The following CAMSAP3 variants were observed in gnomAD, a reference collection of about 807,000 sequenced individuals.
The protein encoded by CAMSAP3 is calmodulin-regulated spectrin-associated protein 3.
CAMSAP3 carries 34 observed loss-of-function variants against 112.5 expected under a neutral mutation model. The ratio of observed to expected loss-of-function variants is 0.30; its 90% CI spans 0.23 to 0.40. The LOEUF (loss-of-function observed/expected upper bound fraction) is 0.40. CAMSAP3 is among the 10% of genes least tolerant of loss of function. The probability of loss-of-function intolerance (pLI) is 1.00; values close to 1 mark genes in which losing one functional copy is unlikely to be tolerated. For missense variants in CAMSAP3, 1,602 were observed against 1,770.3 expected (o/e 0.90, Z 1.71); for synonymous variants, 868 against 799.8 (o/e 1.09, Z -1.44).
chr19:7,618,150 CCCAA>C lies in CAMSAP3; in HGVS notation c.*96_*99del, dbSNP rs1369229115. On this transcript the variant is annotated 3_prime_UTR_variant, in exon 17 of 17. Coordinates refer to ENST00000160298, the MANE Select transcript of CAMSAP3 (RefSeq NM_020902.2). ...TCGGTATTCCTGGGTCCTGTCTGTC[CCCAA>C]CCGTGTCTGGGTGGGGCTGGAGTCT... 30 of 1,395,148 alleles carry C rather than the reference CCCAA, an allele frequency of 2.2e-5. No homozygotes were observed. The highest frequency in any genetic ancestry group is 2.7e-5 in the Non-Finnish European group (28 of 1,031,644). 86.4% of individuals were successfully genotyped at this position (1,395,148 alleles called of 1,614,324 possible). A position where few individuals can be genotyped will look rare whatever the true frequency, so the allele number is the denominator to read the frequency against.
Position 7,617,972 on chromosome 19 carries a change from G to A in CAMSAP3, c.3665G>A (p.Ser1222Asn), listed in dbSNP as rs373512063. The A allele has an allele frequency of 1.9e-5, 30 of 1,614,042 alleles. No homozygotes were observed. The highest frequency in any genetic ancestry group is 2.3e-5 in the Non-Finnish European group (27 of 1,180,044). ...TQIPAKTMSMSVDAFTIQGHL... is the reference protein window; with the variant it reads ...TQIPAKTMSMNVDAFTIQGHL... Reference sequence around the variant, plus strand: ...ATCCCCGCCAAGACCATGTCCATGAGCGTCGATGCCTTCACCATCCAGGGA... The same window carrying A: ...ATCCCCGCCAAGACCATGTCCATGAACGTCGATGCCTTCACCATCCAGGGA... The change falls in exon 17 of 17, where the codon AGC (serine) becomes AAC (asparagine). Residue 1222 changes from serine (S) to asparagine (N), a missense_variant. Physicochemically the swap from Ser to Asn is conservative, Grantham distance 46. Coordinates refer to ENST00000160298, the MANE Select transcript of CAMSAP3 (RefSeq NM_020902.2). The surrounding 1 kb of genome is among the most constrained non-coding windows in gnomAD (Gnocchi z 7.5).
chr19:7,615,167 C>CCTGG lies in CAMSAP3; in HGVS notation c.2671-16_2671-15insCTGG. Reference sequence around the variant, plus strand: ...GGGGGAGGGGGTGGCTGGCTGGACTCGGCGTCTGTCCCCAGGATGAAGACA... The same window carrying CCTGG: ...GGGGGAGGGGGTGGCTGGCTGGACTCCTGGGGCGTCTGTCCCCAGGATGAAGACA... On this transcript the variant is annotated splice_polypyrimidine_tract_variant and intron_variant, in intron 11 of 16. Coordinates refer to ENST00000160298, the MANE Select transcript of CAMSAP3 (RefSeq NM_020902.2). The surrounding 1 kb of genome is among the most constrained non-coding windows in gnomAD (Gnocchi z 6.5). The CCTGG allele has an allele frequency of 6.4e-7, 1 of 1,553,588 alleles. No homozygotes were observed. Among genetic ancestry groups the CCTGG allele is most frequent in the Non-Finnish European group, 8.7e-7 (1 of 1,148,872 alleles).
chr19:7,615,259 A>C lies in CAMSAP3; in HGVS notation c.2747A>C (p.Glu916Ala), dbSNP rs1568448240. Reference sequence around the variant, plus strand: ...GAGCGGCAGCAGCGGCGAGCAGAGGAGGCGCGGCGGCGCAAGCAGTGGCAG... The same window carrying C: ...GAGCGGCAGCAGCGGCGAGCAGAGGCGGCGCGGCGGCGCAAGCAGTGGCAG... Reference protein sequence around the residue: ...LLERQQRRAEEARRRKQWQEV... With the variant: ...LLERQQRRAEAARRRKQWQEV... The change falls in exon 12 of 17, where the codon GAG (glutamate) becomes GCG (alanine). Residue 916 changes from glutamate to alanine, a missense_variant. By Grantham distance (107) the Glu-to-Ala change is moderately radical. Coordinates refer to ENST00000160298, the MANE Select transcript of CAMSAP3 (RefSeq NM_020902.2). The surrounding 1 kb of genome is among the most constrained non-coding windows in gnomAD (Gnocchi z 6.5). 5 of 1,550,386 alleles carry C rather than the reference A, an allele frequency of 3.2e-6. No individual in the cohort carries two copies. The highest frequency in any genetic ancestry group is 1.2e-5 in the South Asian group (1 of 84,066).
chr19:7,612,451 C>T lies in CAMSAP3; in HGVS notation c.1958C>T (p.Ala653Val), dbSNP rs1555761891. 4 of 1,580,936 alleles carry T rather than the reference C, an allele frequency of 2.5e-6. No homozygotes were observed. The highest frequency in any genetic ancestry group is 3.6e-5 in the Admixed American group (2 of 55,536). ...REASGEAEAE[A>V]EEADSGPVPG... ...GCCTCTGGGGAGGCGGAAGCAGAGG[C>T]GGAGGAGGCCGATTCCGGTCCAGTC... The change falls in exon 11 of 17, where the codon GCG (alanine) becomes GTG (valine). Residue 653 changes from alanine to valine, a missense_variant. Ala to Val is a moderately conservative substitution (Grantham distance 64). Around this residue, in one of 6 missense-constraint regions of CAMSAP3, gnomAD observed 1,100 missense variants for 1,135.7 expected, o/e 0.97. Coordinates refer to ENST00000160298, the MANE Select transcript of CAMSAP3 (RefSeq NM_020902.2).
At chr19:7,614,323 A>T (rs375055140) in intron 11 of CAMSAP3, among the ~76,000 whole-genome samples, 73 of 113,992 alleles carry the variant, frequency 6.4e-4, no homozygotes, top group African/African-American at 2.1e-3. Flanking sequence ...CTTCCTTTTC[A>T]TTTTTTTTTT....
chr19:7,605,147 G>GGTGTGTGTGTGTGTGTGTGTGTGT lies in CAMSAP3; in HGVS notation c.149-72_149-49dup, dbSNP rs56244737. On this transcript the variant is annotated intron_variant, in intron 1 of 16. Transcript: ENST00000160298. ...GACACACTCTTAATCCGGGCCATGT[G>GGTGTGTGTGTGTGTGTGTGTGTGT]GTGTGTGTGTGTGTGTGTGTGTGTG... The GGTGTGTGTGTGTGTGTGTGTGTGT allele has an allele frequency of 2.6e-3, 1,619 of 623,812 alleles. 11 individuals carry two copies. The highest frequency in any genetic ancestry group is 2.9e-3 in the Non-Finnish European group (1,120 of 389,096). The allele number at this position is 623,812 out of a possible 1,614,324, so 38.6% of individuals were successfully genotyped here.
At position 7,607,634 on chromosome 19, in the gene CAMSAP3, C is replaced by T. The variant is rs1033087786; in HGVS notation, c.622-492C>T. ...GGATTCCCCGCATAAGAGGGGGTTC[C>T]TACTCTGTGGGGTCCCTTGGGGCTG... On this transcript the variant is annotated intron_variant, in intron 4 of 16. Coordinates refer to ENST00000160298, the MANE Select transcript of CAMSAP3 (RefSeq NM_020902.2). The surrounding 1 kb of genome is among the most constrained non-coding windows in gnomAD (Gnocchi z 4.9). 3.6e-4 allele frequency among the ~76,000 whole-genome samples: 55 copies of T among 152,034 alleles called. No homozygotes were observed. Among genetic ancestry groups the T allele is most frequent in the Non-Finnish European group, 7.2e-4 (49 of 67,948 alleles).
In CAMSAP3 at chr19:7,610,905, C is replaced by G. The variant is rs946505255; in HGVS notation, c.1023C>G (p.Ser341=). Reference sequence around the variant, plus strand: ...CCTCCCCCCGGGGCACTGAGGCCTCCCCACCTCAGAACAACAGCGGCAGTA... The same window carrying G: ...CCTCCCCCCGGGGCACTGAGGCCTCGCCACCTCAGAACAACAGCGGCAGTA... ...HAASPRGTEA[S]PPQNNSGSSS... Residue 341 remains serine, a synonymous_variant, in exon 8 of 17, where the codon TCC becomes TCG. Transcript: ENST00000160298. The surrounding 1 kb of genome is among the most constrained non-coding windows in gnomAD (Gnocchi z 4.9). 2 of 1,589,692 alleles carry G rather than the reference C, an allele frequency of 1.3e-6. No individual in the cohort carries two copies. Among genetic ancestry groups the G allele is most frequent in the Admixed American group, 1.7e-5 (1 of 58,220 alleles).
chr19:7,611,770 T>G lies in CAMSAP3; in HGVS notation c.1277T>G (p.Leu426Arg), dbSNP rs1488349847. The G allele has an allele frequency of 6.3e-7, 1 of 1,593,488 alleles. No homozygotes were observed. The highest frequency in any genetic ancestry group is 2.2e-5 in the East Asian group (1 of 44,674). ...DVDVVMGDPV[L>R]LRSVSSDSLG... Reference sequence around the variant, plus strand: ...GATGTCGTCATGGGAGACCCTGTGCTCCTCCGCTCTGTGAGCTCGGACAGC... The same window carrying G: ...GATGTCGTCATGGGAGACCCTGTGCGCCTCCGCTCTGTGAGCTCGGACAGC... Residue 426 changes from leucine to arginine, a missense_variant, in exon 11 of 17, where the codon CTC becomes CGC. Leu to Arg is a moderately radical substitution (Grantham distance 102, BLOSUM62 -2). Transcript: ENST00000160298. The surrounding 1 kb of genome is among the most constrained non-coding windows in gnomAD (Gnocchi z 6.9).
intron 2 of CAMSAP3, 46 bp from the exon 3 acceptor site, chr19:7,606,225 C>T (rs1389400455): frequency 6.9e-7 from 1 of 1,456,660 alleles, no homozygotes; most frequent in East Asian, 4.0e-5. Flanking sequence ...CCGAGGTGCG[C>T]CTCCTGCAGC....
In CAMSAP3 at chr19:7,611,693, C is replaced by A. The variant is rs773233231; in HGVS notation, c.1200C>A (p.Pro400=). Residue 400 remains proline (P), a synonymous_variant, in exon 11 of 17, where the codon CCC becomes CCA. Coordinates refer to ENST00000160298, the MANE Select transcript of CAMSAP3 (RefSeq NM_020902.2). The surrounding 1 kb of genome is among the most constrained non-coding windows in gnomAD (Gnocchi z 6.9). The part of the protein sequence containing the change: ...GKAWNRQLSR[P]LSQAVSFSTP... ...CCTCCCTCCGGCCGCCCAGCCGTCC[C>A]CTCTCCCAGGCTGTGTCATTCAGCA... 2.6e-6 allele frequency: 4 copies of A among 1,561,844 alleles called. No homozygotes were observed. The African/African-American group carries it at 5.4e-5, about 21-fold the overall frequency.
rs1356917044 is a variant in CAMSAP3, at chr19:7,612,113, G to A, written c.1620G>A (p.Pro540=). 1.2e-6 allele frequency: 2 copies of A among 1,612,128 alleles called. No homozygotes were observed. Among genetic ancestry groups the A allele is most frequent in the East Asian group, 2.2e-5 (1 of 44,846 alleles). The change falls in exon 11 of 17, where the codon CCG becomes CCA. Residue 540 remains proline (P), a synonymous_variant. Transcript: ENST00000160298. ...GTCTGGTGGGGGAGGCATCGAAACC[G>A]CCAGCCCCATCCGAGGGGTCCCCGA... The part of the protein sequence containing the change: ...SPCLVGEASK[P]PAPSEGSPKA...
chr19:7,606,437 T>C, intron 3 of CAMSAP3, 39 bp from the exon 4 acceptor site: 1 of 1,610,750 alleles, frequency 6.2e-7, no homozygotes, highest in Non-Finnish European at 8.5e-7. Flanking sequence ...ACCAGCATCG[T>C]CCAGTGGCCA....
chr19:7,603,326 G>A (rs146407060), intron 1 of CAMSAP3, among the ~76,000 whole-genome samples: 148 of 151,466 alleles, frequency 9.8e-4, no homozygotes, highest in Middle Eastern at 3.4e-3. Context: ...GCGATTCTCC[G>A]GCCTCGGCTT....
rs1555756390 is a variant in CAMSAP3 at position 7,595,900 on chromosome 19, C to CGGT, written c.-103_-102insGGT. 3.0e-4 allele frequency: 149 copies of CGGT among 500,970 alleles called. No homozygotes were observed. The highest frequency in any genetic ancestry group is 1.1e-3 in the South Asian group (14 of 12,500). The allele number at this position is 500,970 out of a possible 1,614,324, so 31.0% of individuals were successfully genotyped here. A position where few individuals can be genotyped will look rare whatever the true frequency, so the allele number is the denominator to read the frequency against. On this transcript the variant is annotated 5_prime_UTR_variant, in exon 1 of 17. Transcript: ENST00000160298. Reference sequence around the variant, plus strand: ...GCAGCGGCGGCGGCGGCGGCGGCGGCAGCGGCGGTAGCAGCAGCGGGCCCG... The same window carrying CGGT: ...GCAGCGGCGGCGGCGGCGGCGGCGGCGGTAGCGGCGGTAGCAGCAGCGGGCCCG...
Position 7,617,883 on chromosome 19 carries a change from C to A in CAMSAP3, c.3576C>A (p.Thr1192=). 1.9e-6 allele frequency: 3 copies of A among 1,613,764 alleles called. No homozygotes were observed. Among genetic ancestry groups the A allele is most frequent in the Middle Eastern group, 1.6e-4 (1 of 6,062 alleles). The change falls in exon 17 of 17, where the codon ACC becomes ACA. Residue 1192 remains threonine, a synonymous_variant. Coordinates refer to ENST00000160298, the MANE Select transcript of CAMSAP3 (RefSeq NM_020902.2). This position sits in a 1 kb window ranked among gnomAD's most constrained non-coding sequence, Gnocchi z 7.5. ...GGCTGGCAGGGTATGGGCCCCGGAC[C>A]GTCACGCCCGCCATGGTGGAAGGCA... The part of the protein sequence containing the change: ...LSRLAGYGPR[T]VTPAMVEGIY...
chr19:7,596,077 C>A lies in CAMSAP3; in HGVS notation c.75C>A (p.Asp25Glu). The A allele has an allele frequency of 7.7e-7, 1 of 1,290,382 alleles. No homozygotes were observed. Among genetic ancestry groups the A allele is most frequent in the South Asian group, 1.4e-5 (1 of 69,828 alleles). 79.9% of individuals were successfully genotyped at this position (1,290,382 alleles called of 1,614,324 possible). ...TAGTGCCCGAGATCAAGTCGCTGGA[C>A]CAGTACGATTTCTCGCGGGCCAAGG... is the stretch of plus-strand genomic sequence containing the variant. ...TFLVPEIKSLDQYDFSRAKAA... is the reference protein window; with the variant it reads ...TFLVPEIKSLEQYDFSRAKAA... The change falls in exon 1 of 17, where the codon GAC becomes GAA. Residue 25 changes from aspartate (D) to glutamate (E), a missense_variant. Around this residue, in one of 6 missense-constraint regions of CAMSAP3, gnomAD observed 147 missense variants for 144.6 expected, o/e 1.02. Coordinates refer to ENST00000160298, the MANE Select transcript of CAMSAP3 (RefSeq NM_020902.2).
rs539173216 is a variant in CAMSAP3 at position 7,616,138 on chromosome 19, G to A, written c.3113-385G>A. 4.2e-4 allele frequency among the ~76,000 whole-genome samples: 63 copies of A among 150,116 alleles called. No homozygotes were observed. In the East Asian group the frequency reaches 0.012, roughly 28 times the overall value. On this transcript the variant is annotated intron_variant, in intron 13 of 16. Transcript: ENST00000160298. Reference sequence around the variant, plus strand: ...GGAGGTGGAGGTTGCGGTGAGCCAAGATTGCACCACTGTACTCCAGCCTGG... The same window carrying A: ...GGAGGTGGAGGTTGCGGTGAGCCAAAATTGCACCACTGTACTCCAGCCTGG...
Position 7,615,784 on chromosome 19 carries a change from C to T in CAMSAP3, c.3112+65C>T, listed in dbSNP as rs190864055. 5.9e-3 allele frequency: 4,845 copies of T among 814,582 alleles called. 170 individuals are homozygous for T. The Admixed American group carries it at 0.18, about 30-fold the overall frequency. The allele number at this position is 814,582 out of a possible 1,614,324, so 50.5% of individuals were successfully genotyped here. A position where few individuals can be genotyped will look rare whatever the true frequency, so the allele number is the denominator to read the frequency against. On this transcript the variant is annotated intron_variant, in intron 13 of 16. Coordinates refer to ENST00000160298, the MANE Select transcript of CAMSAP3 (RefSeq NM_020902.2). This position sits in a 1 kb window ranked among gnomAD's most constrained non-coding sequence, Gnocchi z 6.5. Reference sequence around the variant, plus strand: ...TCCGGGGCTCACTGGGTGAGGCCCCCATGGGTAAGGGGGGAGGGGGAGGGA... The same window carrying T: ...TCCGGGGCTCACTGGGTGAGGCCCCTATGGGTAAGGGGGGAGGGGGAGGGA...
Sources: gnomAD v4.1 joint callset for allele counts (sites outside exome capture counted in the v4.1 genomes callset) on GRCh38, gnomAD v4.1.1 for gene constraint, gnomAD v4.1.1 regional missense constraint, Gnocchi (gnomAD v3.1) non-coding constraint, MANE v1.5 for transcripts, NCBI Gene and HGNC (gene_info 2026-07-23, HGNC 2026-07-21) for gene names.